The following ADAMTSL1 variants were observed in gnomAD, a reference collection of about 807,000 sequenced individuals.
The protein encoded by ADAMTSL1 is ADAMTS-like protein 1.
In ADAMTSL1, 126 loss-of-function variants were observed where a neutral mutation model predicts 201.8. The observed-to-expected ratio is 0.62, with a 90% confidence interval of 0.54 to 0.72. The LOEUF (loss-of-function observed/expected upper bound fraction) is 0.72. ADAMTSL1 is among the 30% of genes least tolerant of loss of function. The pLI is 0.00. For synonymous variants in ADAMTSL1, 1,121 were observed against 903.4 expected (o/e 1.24, Z -4.32); for missense variants, 2,679 against 2,277.8 (o/e 1.18, Z -3.59).
chr9:18,435,401 G>A (rs538161787), intron 2 of ADAMTSL1, among the ~76,000 whole-genome samples: 1 of 152,290 alleles, frequency 6.6e-6, no homozygotes, highest in South Asian at 2.1e-4. Context: ...ACTTCACAAA[G>A]TTGTATTCTA....
chr9:18,844,213 G>A (rs1049412076), intron 23 of ADAMTSL1, among the ~76,000 whole-genome samples: 1 of 152,066 alleles, frequency 6.6e-6, no homozygotes, highest in Non-Finnish European at 1.5e-5. Context: ...ATGGGTTTTT[G>A]GTGTGGATGT....
chr9:18,668,597 G>T (rs930008295), intron 9 of ADAMTSL1, among the ~76,000 whole-genome samples: 1 of 152,092 alleles, frequency 6.6e-6, no homozygotes, highest in Non-Finnish European at 1.5e-5. Flanking sequence ...TACTAGCTAA[G>T]TAACTTCTTA....
intron 2 of ADAMTSL1, among the ~76,000 whole-genome samples, chr9:18,181,072 T>A (rs1262292165): frequency 6.6e-6 from 1 of 152,190 alleles, no homozygotes; most frequent in Non-Finnish European, 1.5e-5. Flanking sequence ...CTGGGAAAAC[T>A]GGCTAGCCAT....
chr9:18,446,491 T>C (rs766072197), intron 2 of ADAMTSL1, among the ~76,000 whole-genome samples: 1 of 152,260 alleles, frequency 6.6e-6, no homozygotes, highest in Non-Finnish European at 1.5e-5. Context: ...TTATAAAAAG[T>C]ATCACAAAAT....
intron 14 of ADAMTSL1, among the ~76,000 whole-genome samples, chr9:18,712,204 A>C (rs1185967944): frequency 1.3e-5 from 2 of 152,236 alleles, no homozygotes; most frequent in African/African-American, 2.4e-5. Flanking sequence ...TCCTCCTCCA[A>C]AGGATCACAG....
At chr9:18,678,975 G>A (rs1199455446) in intron 10 of ADAMTSL1, among the ~76,000 whole-genome samples, 5 of 152,132 alleles carry the variant, frequency 3.3e-5, no homozygotes, top group Non-Finnish European at 7.4e-5. Flanking sequence ...ATTTTCTTAT[G>A]TGTCTCCTGG....
At chr9:18,474,804 C>T (rs1821371228) in intron 1 of ADAMTSL1, among the ~76,000 whole-genome samples, 1 of 152,082 alleles carries the variant, frequency 6.6e-6, no homozygotes, top group Middle Eastern at 3.2e-3. Flanking sequence ...GATTATGGCT[C>T]TTAATTACTG....
Position 18,593,534 on chromosome 9 carries a change from G to A in ADAMTSL1, c.474+19268G>A, listed in dbSNP as rs148779267. 7.9e-3 allele frequency among the ~76,000 whole-genome samples: 1,205 copies of A among 151,924 alleles called. 20 individuals are homozygous for A. Among genetic ancestry groups the A allele is most frequent in the African/African-American group, 0.028 (1,159 of 41,506 alleles). ...ATTTTTCCTCTTTTTTGATGTAGGTGCTTATAGGTATAAACTTCCCTCTTA... is the reference window on the plus strand; with the variant it reads ...ATTTTTCCTCTTTTTTGATGTAGGTACTTATAGGTATAAACTTCCCTCTTA... On this transcript the variant is annotated intron_variant, in intron 4 of 28. Coordinates refer to ENST00000380548, the MANE Select transcript of ADAMTSL1 (RefSeq NM_001040272.6).
chr9:18,776,735 T>C (rs558540606), intron 18 of ADAMTSL1, 46 bp from the exon 19 acceptor site: 29 of 1,490,228 alleles, frequency 1.9e-5, no homozygotes, highest in Non-Finnish European at 2.5e-5. Flanking sequence ...GGGTTTTCTC[T>C]CTCCCCACCT....
chr9:18,262,037 G>T (rs543495748), intron 2 of ADAMTSL1, among the ~76,000 whole-genome samples: 1 of 152,074 alleles, frequency 6.6e-6, no homozygotes, highest in African/African-American at 2.4e-5. Context: ...TAGACATGCC[G>T]GGACTTGTAT....
At chr9:18,419,353 A>G (rs1818834489) in intron 2 of ADAMTSL1, among the ~76,000 whole-genome samples, 1 of 151,834 alleles carries the variant, frequency 6.6e-6, no homozygotes, top group African/African-American at 2.4e-5. Context: ...GTAAATCTTA[A>G]TCAGAACTAT....
At chr9:18,221,645 G>A (rs377546064) in intron 2 of ADAMTSL1, among the ~76,000 whole-genome samples, 5 of 151,876 alleles carry the variant, frequency 3.3e-5, no homozygotes, top group Non-Finnish European at 5.9e-5. Context: ...TTAGTTCTAC[G>A]TATTTTCTAA....
chr9:18,471,680 G>A (rs1325794685), upstream of ADAMTSL1, among the ~76,000 whole-genome samples: 3 of 152,216 alleles, frequency 2.0e-5, no homozygotes, highest in Admixed American at 6.5e-5. Context: ...GTATTCCCAA[G>A]AGGAAAGAAA....
intron 1 of ADAMTSL1, among the ~76,000 whole-genome samples, chr9:17,926,989 A>T (rs1366721398): frequency 6.6e-6 from 1 of 152,196 alleles, no homozygotes; most frequent in African/African-American, 2.4e-5. Flanking sequence ...TACAACCATC[A>T]TTACCATCCG....
intron 10 of ADAMTSL1, among the ~76,000 whole-genome samples, chr9:18,679,661 C>T (rs1189573559): frequency 1.3e-5 from 2 of 152,158 alleles, no homozygotes; most frequent in Non-Finnish European, 2.9e-5. Context: ...CAGTATCCCT[C>T]AACAGTTAGG....
chr9:18,181,079 C>T (rs1411565548), intron 2 of ADAMTSL1, among the ~76,000 whole-genome samples: 1 of 152,026 alleles, frequency 6.6e-6, no homozygotes, highest in Non-Finnish European at 1.5e-5. Context: ...AACTGGCTAG[C>T]CATATGTAGA....
At chr9:18,852,886 G>A (rs934628394) in intron 23 of ADAMTSL1, among the ~76,000 whole-genome samples, 2 of 152,192 alleles carry the variant, frequency 1.3e-5, no homozygotes, top group African/African-American at 2.4e-5. Flanking sequence ...CCTAGGGCTA[G>A]AAGCAAAGAT....
intron 2 of ADAMTSL1, among the ~76,000 whole-genome samples, chr9:18,294,432 G>T (rs1365918893): frequency 6.6e-6 from 1 of 152,178 alleles, no homozygotes; most frequent in Non-Finnish European, 1.5e-5. Flanking sequence ...CCAAAATCTT[G>T]CCCAGGTTCT....
intron 13 of ADAMTSL1, among the ~76,000 whole-genome samples, chr9:18,706,224 C>T (rs906994227): frequency 5.3e-5 from 8 of 152,180 alleles, no homozygotes; most frequent in South Asian, 4.1e-4. Context: ...GACATTGCTA[C>T]GGCATTTGTA....
Sources: gnomAD v4.1 joint callset for allele counts (sites outside exome capture counted in the v4.1 genomes callset) on GRCh38, gnomAD v4.1.1 for gene constraint, MANE v1.5 for transcripts, NCBI Gene and HGNC (gene_info 2026-07-23, HGNC 2026-07-21) for gene names.